The following RORA variants were observed in gnomAD, a reference collection of about 807,000 sequenced individuals.
The protein encoded by RORA is RAR related orphan receptor A.
In RORA, 7 loss-of-function variants were observed where a neutral mutation model predicts 69.5. That is an observed-to-expected ratio of 0.10 (90% confidence interval 0.06 to 0.19). RORA has a LOEUF of 0.19. Ranked by LOEUF, RORA falls within the 10% of genes least tolerant of loss-of-function variation. RORA has a pLI of 1.00. For synonymous variants in RORA, 261 were observed against 240.8 expected (o/e 1.08, Z -0.78); for missense variants, 457 against 663.0 (o/e 0.69, Z 3.41).
intron 2 of RORA, among the ~76,000 whole-genome samples, chr15:60,610,028 G>A (rs1417038828): frequency 6.6e-6 from 1 of 152,124 alleles, no homozygotes; most frequent in Non-Finnish European, 1.5e-5. Flanking sequence ...GTTTGAAGCT[G>A]CTAAAGAGAT....
chr15:60,667,610 T>G (rs1188613637), intron 2 of RORA, among the ~76,000 whole-genome samples: 1 of 152,046 alleles, frequency 6.6e-6, no homozygotes, highest in African/African-American at 2.4e-5. Flanking sequence ...GTATAGTTCG[T>G]TTTTTGTTTC....
At position 60,826,147 on chromosome 15, in the gene RORA, C is replaced by G. The variant is rs2072952846; in HGVS notation, c.167-147461G>C. Among the ~76,000 whole-genome samples, 3 of 152,232 alleles carry G rather than the reference C, an allele frequency of 2.0e-5. No homozygotes were observed. In the South Asian group the frequency reaches 6.2e-4, roughly 32 times the overall value. On this transcript the variant is annotated intron_variant, in intron 1 of 10. Transcript: ENST00000335670. ...GGGGATGGAGTGGATCCCAGTCTAC[C>G]CAACAGTAGGAACTATGTCTCATTC...
intron 1 of RORA, among the ~76,000 whole-genome samples, chr15:61,069,037 C>T (rs148375471): frequency 2.9e-3 from 438 of 152,288 alleles, no homozygotes; most frequent in Non-Finnish European, 5.2e-3. Flanking sequence ...ATACTGACAT[C>T]TGAATCTCTT....
chr15:60,751,834 G>T (rs1453685904), intron 1 of RORA, among the ~76,000 whole-genome samples: 2 of 152,132 alleles, frequency 1.3e-5, no homozygotes, highest in African/African-American at 4.8e-5. Flanking sequence ...AGGCCTCTAA[G>T]CTCCTCTACC....
At chr15:60,509,922 T>C (rs977706389) in intron 5 of RORA, among the ~76,000 whole-genome samples, 3 of 152,180 alleles carry the variant, frequency 2.0e-5, no homozygotes, top group African/African-American at 7.2e-5. Flanking sequence ...GCTTAAAATG[T>C]CCCTGCTCTT....
At chr15:61,182,249 C>T (rs1315733892) in intron 1 of RORA, among the ~76,000 whole-genome samples, 1 of 152,186 alleles carries the variant, frequency 6.6e-6, no homozygotes, top group African/African-American at 2.4e-5. Context: ...AACTGAAGCC[C>T]AGAGAACTCA....
intron 2 of RORA, among the ~76,000 whole-genome samples, chr15:60,599,483 G>A (rs1337980626): frequency 6.6e-6 from 1 of 152,164 alleles, no homozygotes; most frequent in Non-Finnish European, 1.5e-5. Context: ...TCCGGGAGGC[G>A]GAGGCTGCAG....
At chr15:61,169,776 GA>G (rs34165942) in intron 1 of RORA, among the ~76,000 whole-genome samples, 62,797 of 151,542 alleles carry the variant, frequency 0.41, 13,866 homozygotes, top group Non-Finnish European at 0.49. Context: ...AACGGCCTCA[GA>G]AAAAAAAGAA....
At chr15:60,542,446 G>A (rs892235162) in intron 2 of RORA, among the ~76,000 whole-genome samples, 5 of 142,884 alleles carry the variant, frequency 3.5e-5, no homozygotes, top group Non-Finnish European at 7.4e-5. Flanking sequence ...TCACAGCACA[G>A]CACACAGGCA....
chr15:60,677,082 AG>A (rs1376506186), intron 2 of RORA: 1 of 440,194 alleles, frequency 2.3e-6, no homozygotes, highest in Non-Finnish European at 4.6e-6. Context: ...CATAAACAGT[AG>A]GCACAATCAT....
chr15:61,071,949 T>C (rs1299076500), intron 1 of RORA, among the ~76,000 whole-genome samples: 4 of 152,048 alleles, frequency 2.6e-5, no homozygotes, highest in Admixed American at 6.6e-5. Flanking sequence ...GGGAGGATAC[T>C]CAAAGACAGG....
chr15:60,508,252 C>T (rs1036851459), intron 5 of RORA, among the ~76,000 whole-genome samples: 6 of 152,126 alleles, frequency 3.9e-5, no homozygotes, highest in African/African-American at 1.4e-4. Context: ...GTCTACCTCA[C>T]TTTGTGACTG....
At chr15:60,569,236 G>A (rs1035116174) in intron 2 of RORA, among the ~76,000 whole-genome samples, 1 of 148,632 alleles carries the variant, frequency 6.7e-6, no homozygotes, top group Admixed American at 6.7e-5. Context: ...AGGCCACATG[G>A]AGAGACTCCA....
intron 7 of RORA, among the ~76,000 whole-genome samples, 190 bp downstream of exon 7, chr15:60,503,340 GAAGAA>G (rs2065389553): frequency 6.6e-6 from 1 of 152,192 alleles, no homozygotes; most frequent in Non-Finnish European, 1.5e-5. Context: ...ACCCAGAAGA[GAAGAA>G]AAGTGGGGGG....
intron 1 of RORA, among the ~76,000 whole-genome samples, chr15:60,925,635 G>A (rs1468308592): frequency 6.6e-6 from 1 of 152,214 alleles, no homozygotes; most frequent in Non-Finnish European, 1.5e-5. Context: ...CTGCATGCCT[G>A]ATACAGTGAA....
intron 1 of RORA, among the ~76,000 whole-genome samples, chr15:60,732,691 C>T (rs1197973967): frequency 2.0e-5 from 3 of 152,182 alleles, no homozygotes; most frequent in South Asian, 2.1e-4. Context: ...GACAAACACA[C>T]GTGTACACAC....
At chr15:60,524,257 A>G (rs1449075046) in intron 3 of RORA, among the ~76,000 whole-genome samples, 3 of 151,962 alleles carry the variant, frequency 2.0e-5, no homozygotes, top group African/African-American at 7.3e-5. Context: ...TCCAATTGGG[A>G]CCCCTGCTTC....
At chr15:61,015,659 C>A (rs1895256708) in intron 1 of RORA, among the ~76,000 whole-genome samples, 1 of 152,152 alleles carries the variant, frequency 6.6e-6, no homozygotes, top group South Asian at 2.1e-4. Context: ...TTATTTTACT[C>A]ACCAAAAATG....
intron 1 of RORA, among the ~76,000 whole-genome samples, chr15:60,783,312 T>C (rs1205708566): frequency 1.3e-5 from 2 of 152,180 alleles, no homozygotes; most frequent in African/African-American, 4.8e-5. Flanking sequence ...TGTTTTCTTG[T>C]CCACCTCATC....
Sources: gnomAD v4.1 joint callset for allele counts (sites outside exome capture counted in the v4.1 genomes callset) on GRCh38, gnomAD v4.1.1 for gene constraint, MANE v1.5 for transcripts, NCBI Gene and HGNC (gene_info 2026-07-23, HGNC 2026-07-21) for gene names.